Variants in TRERF1 observed in about 807,000 individuals in gnomAD.
The protein encoded by TRERF1 is transcriptional-regulating factor 1.
In TRERF1, 27 loss-of-function variants were observed where a neutral mutation model predicts 122.9. The ratio of observed to expected loss-of-function variants is 0.22; its 90% CI spans 0.16 to 0.30. The LOEUF is 0.30. Among genes scored for constraint, TRERF1 ranks in the 10% least tolerant of loss-of-function variants. The pLI, the probability that TRERF1 is intolerant of heterozygous loss-of-function variation, is 1.00. For missense variants in TRERF1, 1,248 were observed against 1,560.3 expected (o/e 0.80, Z 3.37); for synonymous variants, 636 against 641.7 (o/e 0.99, Z 0.13).
intron 2 of TRERF1, among the ~76,000 whole-genome samples, chr6:42,422,644 C>T (rs1181685619): frequency 2.0e-5 from 3 of 152,076 alleles, no homozygotes; most frequent in African/African-American, 7.2e-5. Context: ...ATCCTTCATT[C>T]TCTCAAGCAG....
chr6:42,278,099 GT>G (rs1474267169), intron 4 of TRERF1, among the ~76,000 whole-genome samples: 1 of 152,150 alleles, frequency 6.6e-6, no homozygotes, highest in Non-Finnish European at 1.5e-5. Flanking sequence ...TTGAAGCGAA[GT>G]TTTTCTAGAG....
intron 3 of TRERF1, among the ~76,000 whole-genome samples, chr6:42,308,711 A>T (rs898226266): frequency 6.6e-6 from 1 of 152,358 alleles, no homozygotes; most frequent in East Asian, 1.9e-4. Context: ...CCATGTTCTT[A>T]CTTATAAGTG....
chr6:42,428,048 C>T (rs184344072), intron 2 of TRERF1, among the ~76,000 whole-genome samples: 66 of 152,102 alleles, frequency 4.3e-4, no homozygotes, highest in African/African-American at 1.2e-3. Flanking sequence ...CATCTAGGGC[C>T]GGAAATAGGA....
At position 42,228,705 on chromosome 6, in the gene TRERF1, AAGG is replaced by A. The variant is rs1288615171; in HGVS notation, c.3279-39_3279-37del. 3.9e-6 allele frequency: 6 copies of A among 1,544,412 alleles called. No homozygotes were observed. Among genetic ancestry groups the A allele is most frequent in the South Asian group, 2.5e-5 (2 of 79,152 alleles). On this transcript the variant is annotated intron_variant, in intron 17 of 17. Transcript: ENST00000372922. The surrounding 1 kb of genome is among the most constrained non-coding windows in gnomAD (Gnocchi z 4.2). Reference sequence around the variant, plus strand: ...AGAAAGAGAGGTGTGTAGAATTTAGAAGGAGATCTGAGTTCTTGGAAATCCAGG... The same window carrying A: ...AGAAAGAGAGGTGTGTAGAATTTAGAAGATCTGAGTTCTTGGAAATCCAGG...
At chr6:42,323,554 C>T (rs1056732516) in intron 3 of TRERF1, among the ~76,000 whole-genome samples, 2 of 152,136 alleles carry the variant, frequency 1.3e-5, no homozygotes, top group African/African-American at 2.4e-5. Context: ...GCCCTGCATT[C>T]TATCATGGGA....
intron 2 of TRERF1, among the ~76,000 whole-genome samples, chr6:42,368,995 C>T (rs898682213): frequency 6.6e-6 from 1 of 152,166 alleles, no homozygotes; most frequent in South Asian, 2.1e-4. Flanking sequence ...ATGTTAGCTG[C>T]ATTTCTGAAA....
intron 13 of TRERF1, among the ~76,000 whole-genome samples, chr6:42,250,679 C>T (rs1302178333): frequency 6.6e-6 from 1 of 152,134 alleles, no homozygotes; most frequent in Non-Finnish European, 1.5e-5. Flanking sequence ...CTCATTTGTT[C>T]TACCTGGGAA....
At chr6:42,386,626 C>T (rs963599150) in intron 2 of TRERF1, among the ~76,000 whole-genome samples, 2 of 152,162 alleles carry the variant, frequency 1.3e-5, no homozygotes, top group Non-Finnish European at 2.9e-5. Context: ...AGCAACAAGA[C>T]ATGATGGAGA....
intron 4 of TRERF1, among the ~76,000 whole-genome samples, chr6:42,295,631 T>C (rs748926322): frequency 6.6e-6 from 1 of 152,310 alleles, no homozygotes; most frequent in East Asian, 1.9e-4. Flanking sequence ...TCCCTGACCA[T>C]TGAAGGGCAT....
intron 2 of TRERF1, among the ~76,000 whole-genome samples, chr6:42,396,594 T>C (rs113027004): frequency 0.018 from 2,803 of 152,322 alleles, 82 homozygotes; most frequent in African/African-American, 0.063. Context: ...GAGCATGAAC[T>C]CTGAAATCAG....
chr6:42,227,328 A>G (rs1228291925), exon 18 of TRERF1: 3 of 152,262 alleles, frequency 2.0e-5, no homozygotes, highest in African/African-American at 4.8e-5. Context: ...TGTGAATTAC[A>G]GCAAAATCCC....
chr6:42,383,946 T>C (rs1776375593), intron 2 of TRERF1, among the ~76,000 whole-genome samples: 1 of 151,986 alleles, frequency 6.6e-6, no homozygotes. Context: ...TAAAAAAGTC[T>C]GATAACTTAC....
intron 4 of TRERF1, among the ~76,000 whole-genome samples, chr6:42,277,465 C>T (rs1448303781): frequency 6.6e-6 from 1 of 152,146 alleles, no homozygotes; most frequent in Admixed American, 6.5e-5. Flanking sequence ...CTTAAAGATA[C>T]AGGTTTGTCC....
chr6:42,320,834 A>T (rs1243338548), intron 3 of TRERF1, among the ~76,000 whole-genome samples: 1 of 152,122 alleles, frequency 6.6e-6, no homozygotes, highest in Non-Finnish European at 1.5e-5. Flanking sequence ...AAAAGGCATA[A>T]CTTCAACAAT....
At chr6:42,423,726 T>TA (rs1031400814) in intron 2 of TRERF1, among the ~76,000 whole-genome samples, 28 of 150,186 alleles carry the variant, frequency 1.9e-4, no homozygotes, top group East Asian at 3.9e-4. Flanking sequence ...TCGGGTTATT[T>TA]AAAAAAAAAA....
chr6:42,439,912 G>A (rs4714609), intron 2 of TRERF1, among the ~76,000 whole-genome samples: 1,992 of 152,244 alleles, frequency 0.013, 39 homozygotes, highest in East Asian at 0.091. Context: ...ACTGTGTGTC[G>A]TATTTCCATG....
chr6:42,273,266 C>A lies in TRERF1; in HGVS notation c.-258-3418G>T, dbSNP rs147027993. Among the ~76,000 whole-genome samples, 13 of 152,176 alleles carry A rather than the reference C, an allele frequency of 8.5e-5. No individual in the cohort carries two copies. In the Middle Eastern group the frequency reaches 0.014, roughly 159 times the overall value. ...ATTAATGGATCTTTCTCTATTAGAG[C>A]AGGAATCAGGTCTATTTTTACCTAG... On this transcript the variant is annotated intron_variant, in intron 4 of 17. Coordinates refer to ENST00000372922, the Ensembl canonical transcript of TRERF1.
rs112928577 is a variant in TRERF1, at chr6:42,317,444, T to G, written c.-370-16695A>C. Among the ~76,000 whole-genome samples, 290 of 151,902 alleles carry G rather than the reference T, an allele frequency of 1.9e-3. 1 individual carries two copies. The highest frequency in any genetic ancestry group is 6.6e-3 in the African/African-American group (275 of 41,424). On this transcript the variant is annotated intron_variant, in intron 3 of 17. Transcript: ENST00000372922. ...ATCATGGCTTGCTGCAGCCTCAACC[T>G]CCCAGGCTCAAGCAATCCTCCCACC...
Position 42,309,217 on chromosome 6 carries a change from T to C in TRERF1, c.-370-8468A>G, listed in dbSNP as rs1428211929. ...CTTTGGATGAATCCATAATGACTGA[T>C]ACTATTTACCTACTGAGTGCCAAGT... On this transcript the variant is annotated intron_variant, in intron 3 of 17. Transcript: ENST00000372922. 2.0e-5 allele frequency among the ~76,000 whole-genome samples: 3 copies of C among 152,204 alleles called. No individual in the cohort carries two copies. In the East Asian group the frequency reaches 5.8e-4, roughly 29 times the overall value.
Sources: allele counts gnomAD v4.1 joint callset (sites outside exome capture counted in the v4.1 genomes callset), GRCh38; gene constraint gnomAD v4.1.1; non-coding constraint Gnocchi (gnomAD v3.1); transcripts MANE v1.5; gene names NCBI Gene and HGNC (gene_info 2026-07-23, HGNC 2026-07-21).